The following MAD1L1 variants were observed in gnomAD, a reference collection of about 807,000 sequenced individuals.
MAD1L1 encodes mitotic spindle assembly checkpoint protein MAD1.
MAD1L1 carries 95 observed loss-of-function variants against 96.9 expected under a neutral mutation model. The ratio of observed to expected loss-of-function variants is 0.98; its 90% CI spans 0.83 to 1.16. The LOEUF is 1.16. Among genes scored for constraint, MAD1L1 ranks in the 50% most tolerant of loss-of-function variants. The pLI is 0.00. For synonymous variants in MAD1L1, 473 were observed against 396.6 expected (o/e 1.19, Z -2.29); for missense variants, 1,007 against 954.4 (o/e 1.06, Z -0.73).
At chr7:2,002,147 T>A in intron 13 of MAD1L1, 26 bp from the exon 14 acceptor site, 2 of 1,610,818 alleles carry the variant, frequency 1.2e-6, no homozygotes, top group Admixed American at 3.3e-5. Flanking sequence ...GGATTCGGCC[T>A]GAGACTGTGG....
intron 17 of MAD1L1, among the ~76,000 whole-genome samples, chr7:1,914,333 C>T (rs1196126131): frequency 3.3e-5 from 5 of 152,326 alleles, no homozygotes; most frequent in African/African-American, 9.6e-5. Flanking sequence ...GGTGAGACCA[C>T]GGGCGTTCCT....
At position 2,071,448 on chromosome 7, in the gene MAD1L1, A is replaced by G. The variant is rs551837958; in HGVS notation, c.1074-2110T>C. On this transcript the variant is annotated intron_variant, in intron 11 of 18. Transcript: ENST00000265854. ...CGCGTGTGATCTTGTGAAATATGTA[A>G]CTGATCGTCAACCCATCTACCAGAA... 3.3e-5 allele frequency among the ~76,000 whole-genome samples: 5 copies of G among 152,348 alleles called. No homozygotes were observed. The East Asian group carries it at 9.6e-4, about 29-fold the overall frequency.
intron 12 of MAD1L1, among the ~76,000 whole-genome samples, chr7:2,027,550 G>C (rs574748782): frequency 1.3e-5 from 2 of 152,124 alleles, no homozygotes; most frequent in African/African-American, 4.8e-5. Context: ...TTTAACATTT[G>C]AAAATCAATT....
intron 10 of MAD1L1, among the ~76,000 whole-genome samples, chr7:2,159,186 G>A (rs950264550): frequency 1.3e-5 from 2 of 152,308 alleles, no homozygotes; most frequent in South Asian, 4.1e-4. Flanking sequence ...CCCTCGTCAC[G>A]CTGTGACTCC....
chr7:2,080,463 A>C (rs891701630), intron 11 of MAD1L1, among the ~76,000 whole-genome samples: 1 of 152,174 alleles, frequency 6.6e-6, no homozygotes, highest in Non-Finnish European at 1.5e-5. Context: ...CGCCTCGGCC[A>C]CTGCAGATGC....
At chr7:2,215,562 T>C (rs1793223128) in intron 9 of MAD1L1, among the ~76,000 whole-genome samples, 1 of 152,080 alleles carries the variant, frequency 6.6e-6, no homozygotes, top group African/African-American at 2.4e-5. Flanking sequence ...CCTTGGCTTG[T>C]GGCCCGTCCT....
At chr7:1,892,162 A>G (rs116371704) in intron 18 of MAD1L1, among the ~76,000 whole-genome samples, 1,914 of 152,246 alleles carry the variant, frequency 0.013, 35 homozygotes, top group African/African-American at 0.044. Context: ...GCACTGCGCC[A>G]CGGTGGTCTA....
intron 11 of MAD1L1, among the ~76,000 whole-genome samples, chr7:2,074,921 C>T (rs1208068647): frequency 6.6e-6 from 1 of 152,172 alleles, no homozygotes; most frequent in African/African-American, 2.4e-5. Flanking sequence ...TTCCAATGGG[C>T]AGCTGGCGTG....
chr7:2,087,233 A>G (rs1221296589), intron 11 of MAD1L1, among the ~76,000 whole-genome samples: 1 of 152,164 alleles, frequency 6.6e-6, no homozygotes, highest in Non-Finnish European at 1.5e-5. Context: ...AGTGAATTTT[A>G]CTACCAATAA....
chr7:1,948,539 C>T lies in MAD1L1; in HGVS notation c.1596+9090G>A, dbSNP rs375688172. On this transcript the variant is annotated intron_variant, in intron 16 of 18. Transcript: ENST00000265854. ...ACAGCTCCGGAGCTGGCCTTCCCGG[C>T]CTGAGACCCTGCTGGGCAGCTCCAC... Among the ~76,000 whole-genome samples the T allele has an allele frequency of 2.0e-5, 3 of 152,316 alleles. No individual in the cohort carries two copies. In the East Asian group the frequency reaches 5.8e-4, roughly 29 times the overall value.
chr7:2,185,255 A>G (rs979167958), intron 10 of MAD1L1, among the ~76,000 whole-genome samples: 5 of 152,180 alleles, frequency 3.3e-5, no homozygotes, highest in Non-Finnish European at 1.5e-5. Flanking sequence ...GCAATTTAAG[A>G]ATAAACACAG....
At chr7:1,965,223 T>G (rs1463418414) in intron 15 of MAD1L1, among the ~76,000 whole-genome samples, 1 of 151,872 alleles carries the variant, frequency 6.6e-6, no homozygotes, top group Non-Finnish European at 1.5e-5. Flanking sequence ...CACACAAGGG[T>G]GGGTGGGGCC....
At chr7:2,062,551 G>A (rs1784708458) in intron 12 of MAD1L1, among the ~76,000 whole-genome samples, 1 of 152,112 alleles carries the variant, frequency 6.6e-6, no homozygotes. Flanking sequence ...CTCCAGCCTG[G>A]GCAACAAAGA....
intron 10 of MAD1L1, among the ~76,000 whole-genome samples, chr7:2,158,665 AGG>A (rs1250725870): frequency 6.6e-6 from 1 of 152,256 alleles, no homozygotes; most frequent in Non-Finnish European, 1.5e-5. Flanking sequence ...CAAGGGCAAC[AGG>A]GCGTCATGTC....
chr7:1,895,353 A>G (rs1044476186), intron 18 of MAD1L1, among the ~76,000 whole-genome samples: 1 of 152,154 alleles, frequency 6.6e-6, no homozygotes, highest in African/African-American at 2.4e-5. Context: ...AGGCCCAGCC[A>G]GCACCCCCCT....
Position 2,156,179 on chromosome 7 carries a change from G to GGC in MAD1L1, c.987-6943_987-6942dup, listed in dbSNP as rs1789830033. ...GAGGGGAGCGGGCGCACGGTTTCAC[G>GGC]GCGCGTGTGGCGAGGGGAGCGGGCG... On this transcript the variant is annotated intron_variant, in intron 10 of 18. Coordinates refer to ENST00000265854, the MANE Select transcript of MAD1L1 (RefSeq NM_001013836.2). Among the ~76,000 whole-genome samples, 8 of 146,786 alleles carry GGC rather than the reference G, an allele frequency of 5.5e-5. No homozygotes were observed. The South Asian group carries it at 1.7e-3, about 32-fold the overall frequency.
intron 4 of MAD1L1, 66 bp from the exon 5 acceptor site, chr7:2,222,820 C>T: frequency 1.6e-6 from 2 of 1,281,994 alleles, no homozygotes; most frequent in South Asian, 1.4e-5. Context: ...GAGCCCTCAC[C>T]CCCACACCTC....
intron 18 of MAD1L1, among the ~76,000 whole-genome samples, chr7:1,885,492 TG>T (rs1267708431): frequency 1.4e-5 from 2 of 145,734 alleles, no homozygotes; most frequent in East Asian, 4.0e-4. Flanking sequence ...CGGGTGTGTG[TG>T]GGCCACAGGG....
At chr7:2,030,054 G>A (rs1783152705) in intron 12 of MAD1L1, among the ~76,000 whole-genome samples, 1 of 152,194 alleles carries the variant, frequency 6.6e-6, no homozygotes, top group African/African-American at 2.4e-5. Context: ...ACCACATTCA[G>A]GGAGCAGATG....
Sources: gnomAD v4.1 joint callset for allele counts (sites outside exome capture counted in the v4.1 genomes callset) on GRCh38, gnomAD v4.1.1 for gene constraint, MANE v1.5 for transcripts, NCBI Gene and HGNC (gene_info 2026-07-23, HGNC 2026-07-21) for gene names.